The following MILR1 variants were observed in gnomAD, a reference collection of about 807,000 sequenced individuals.
MILR1 encodes allergin-1.
A neutral mutation model predicts 18.5 loss-of-function variants in MILR1; 31 were observed. That is an observed-to-expected ratio of 1.68 (90% CI 1.26 to 2.26). The LOEUF (loss-of-function observed/expected upper bound fraction) is 2.26. Ranked by LOEUF, MILR1 falls within the 30% of genes most tolerant of loss-of-function variation. The pLI, the probability that MILR1 is intolerant of heterozygous loss-of-function variation, is 0.00. For synonymous variants in MILR1, 85 were observed against 56.2 expected (o/e 1.51, Z -2.30); for missense variants, 257 against 157.4 (o/e 1.63, Z -3.38).
At chr17:64,496,354 G>T in the MILR1 span, 2 of 1,184,538 alleles carry the variant, frequency 1.7e-6, no homozygotes, top group Non-Finnish European at 1.2e-6. Context: ...CAGCAAGACT[G>T]CCTCGCCTTT....
intron 5 of MILR1, among the ~76,000 whole-genome samples, chr17:64,464,116 ATTT>A (rs1182677616): frequency 3.0e-5 from 3 of 100,850 alleles, no homozygotes; most frequent in Admixed American, 1.2e-4. Flanking sequence ...CGCGCCTGAC[ATTT>A]TTTTTTTTTT....
the MILR1 span, chr17:64,491,681 G>A: frequency 8.3e-7 from 1 of 1,203,152 alleles, no homozygotes; most frequent in Non-Finnish European, 1.2e-6. Flanking sequence ...TCAACGTGAA[G>A]AAGGGGAGCA....
downstream of MILR1, among the ~76,000 whole-genome samples, chr17:64,472,666 G>C (rs373673239): frequency 6.6e-6 from 1 of 151,888 alleles, no homozygotes; most frequent in Non-Finnish European, 1.5e-5. Context: ...TGCTACAATT[G>C]CCTAGTGTTC....
chr17:64,497,050 G>C, the MILR1 span: 4 of 1,401,432 alleles, frequency 2.9e-6, no homozygotes, highest in Non-Finnish European at 4.0e-6. Context: ...AGAATCCGGA[G>C]AGGCCACGGC....
At chr17:64,461,619 AC>A (rs1452395492) in intron 5 of MILR1, among the ~76,000 whole-genome samples, 3 of 152,128 alleles carry the variant, frequency 2.0e-5, no homozygotes, top group Admixed American at 2.0e-4. Context: ...AATATACATA[AC>A]ACTAAATGGG....
the MILR1 span, chr17:64,496,991 C>G: frequency 3.1e-6 from 5 of 1,593,232 alleles, no homozygotes; most frequent in East Asian, 1.1e-4. Context: ...TTAAAGAGCA[C>G]ACTCTCCCAT....
At chr17:64,460,089 G>A (rs2037398663) in intron 4 of MILR1, among the ~76,000 whole-genome samples, 3 of 149,264 alleles carry the variant, frequency 2.0e-5, no homozygotes, top group Admixed American at 6.7e-5. Flanking sequence ...GCAATGGCAC[G>A]ATCTCGGCTC....
intron 5 of MILR1, 143 bp downstream of exon 5, chr17:64,461,075 G>A (rs1464181135): frequency 2.7e-6 from 1 of 364,260 alleles, no homozygotes; most frequent in African/African-American, 2.1e-5. Flanking sequence ...ATGAGAAAGG[G>A]GGGCGGGAAT....
chr17:64,496,937 T>G, the MILR1 span: 1 of 1,609,850 alleles, frequency 6.2e-7, no homozygotes, highest in Non-Finnish European at 8.5e-7. Flanking sequence ...GCAGACCTTA[T>G]GGCAGGCCCT....
chr17:64,457,522 CA>C lies in MILR1; in HGVS notation c.491del (p.His164LeufsTer20), dbSNP rs1243893743. ...LPINYTFFEN[H>X]VAISPAISKY... is the part of the protein sequence containing the mutation. Reference sequence around the variant, plus strand: ...CATCAATTACACTTTCTTTGAAAACCATGTTGCCATATCACCAGCTATTTCC... The same window carrying C: ...CATCAATTACACTTTCTTTGAAAACCTGTTGCCATATCACCAGCTATTTCC... On this transcript the variant is annotated frameshift_variant, in exon 4 of 10. Coordinates refer to ENST00000619286, the MANE Select transcript of MILR1 (RefSeq NM_001085423.2). LOFTEE classifies it high-confidence loss of function. 1.5e-5 allele frequency: 7 copies of C among 475,296 alleles called. No individual in the cohort carries two copies. Among genetic ancestry groups the C allele is most frequent in the Non-Finnish European group, 2.7e-5 (7 of 259,078 alleles). The allele number at this position is 475,296 out of a possible 1,614,324, so 29.4% of individuals were successfully genotyped here.
downstream of MILR1, among the ~76,000 whole-genome samples, chr17:64,469,616 C>T (rs2037656520): frequency 6.6e-6 from 1 of 152,176 alleles, no homozygotes; most frequent in Non-Finnish European, 1.5e-5. Flanking sequence ...CCAGGCTGGT[C>T]TTCAACTCCT....
downstream of MILR1, among the ~76,000 whole-genome samples, chr17:64,470,380 T>C (rs1474291471): frequency 6.6e-6 from 1 of 152,180 alleles, no homozygotes; most frequent in African/African-American, 2.4e-5. Context: ...AGGCATGAGC[T>C]ATTGCGCCCG....
chr17:64,466,412 C>A, intron 6 of MILR1, 30 bp from the exon 7 acceptor site: 1 of 1,605,254 alleles, frequency 6.2e-7, no homozygotes, highest in Non-Finnish European at 8.5e-7. Flanking sequence ...ACGCCACCAA[C>A]CCCCAATTTA....
chr17:64,462,130 A>G (rs983112087), intron 5 of MILR1, among the ~76,000 whole-genome samples: 193 of 152,236 alleles, frequency 1.3e-3, no homozygotes, highest in African/African-American at 4.4e-3. Context: ...ACTGCTTGTG[A>G]AAGATGTACT....
chr17:64,483,783 C>T, the MILR1 span, among the ~76,000 whole-genome samples: 2 of 151,564 alleles, frequency 1.3e-5, no homozygotes, highest in East Asian at 3.9e-4. Flanking sequence ...CACTCACTGC[C>T]TCACTGCAAC....
In MILR1 at chr17:64,454,475, T is replaced by C. The variant is rs896146087; in HGVS notation, c.367+1609T>C. Among the ~76,000 whole-genome samples, 222 of 152,364 alleles carry C rather than the reference T, an allele frequency of 1.5e-3. 1 individual carries two copies. The highest frequency in any genetic ancestry group is 5.1e-3 in the African/African-American group (214 of 41,594). On this transcript the variant is annotated intron_variant, in intron 3 of 9. Transcript: ENST00000619286. ...AGGCTTTGATAGCCACACCTGTAGC[T>C]GGTGGCTGCCACATTGGACAACACA... is the stretch of plus-strand genomic sequence containing the variant.
chr17:64,457,416 A>G lies in MILR1; in HGVS notation c.384A>G (p.Pro128=), dbSNP rs2037324479. ...TTCTTCCAGACCCGGTGACTTCCCCAGTGCTGAACATTATGGTCATTCAAA... is the reference window on the plus strand; with the variant it reads ...TTCTTCCAGACCCGGTGACTTCCCCGGTGCTGAACATTATGGTCATTCAAA... ...SFTIVDPVTS[P]VLNIMVIQTE... Residue 128 remains proline, a synonymous_variant, in exon 4 of 10, where the codon CCA becomes CCG. Transcript: ENST00000619286. 6.3e-6 allele frequency: 3 copies of G among 475,278 alleles called. No homozygotes were observed. The highest frequency in any genetic ancestry group is 5.9e-5 in the African/African-American group (3 of 50,516). 29.4% of individuals were successfully genotyped at this position (475,278 alleles called of 1,614,324 possible). A position where few individuals can be genotyped will look rare whatever the true frequency, so the allele number is the denominator to read the frequency against.
the MILR1 span, among the ~76,000 whole-genome samples, chr17:64,494,798 AG>A: frequency 1.3e-5 from 2 of 152,176 alleles, no homozygotes; most frequent in African/African-American, 4.8e-5. Flanking sequence ...AGCACCATAA[AG>A]TGTTTCAAAC....
chr17:64,457,736 T>C, intron 4 of MILR1, 52 bp downstream of exon 4: 1 of 467,464 alleles, frequency 2.1e-6, no homozygotes, highest in Non-Finnish European at 3.9e-6. Context: ...TTCCAGAAAC[T>C]GCAGCTGCTC....
Sources: gnomAD v4.1 joint callset for allele counts (sites outside exome capture counted in the v4.1 genomes callset) on GRCh38, gnomAD v4.1.1 for gene constraint, MANE v1.5 for transcripts, NCBI Gene and HGNC (gene_info 2026-07-23, HGNC 2026-07-21) for gene names.